Variants in GRSF1 observed in about 807,000 individuals in gnomAD.
The protein encoded by GRSF1 is G-rich sequence factor 1.
In GRSF1, 50 loss-of-function variants were observed where a neutral mutation model predicts 51.1. That is an observed-to-expected ratio of 0.98 (90% CI 0.78 to 1.24). The LOEUF (loss-of-function observed/expected upper bound fraction) is 1.24. Among genes scored for constraint, GRSF1 ranks in the 50% most tolerant of loss-of-function variants. GRSF1 has a pLI of 0.00. For missense variants in GRSF1, 700 were observed against 639.7 expected, an observed-to-expected ratio of 1.09 and a Z score of -1.02; for synonymous variants, 293 against 253.3, an observed-to-expected ratio of 1.16 and a Z score of -1.49.
intron 9 of GRSF1, among the ~76,000 whole-genome samples, 192 bp from the exon 10 acceptor site, chr4:70,821,053 T>C (rs1253376694): frequency 6.6e-6 from 1 of 152,010 alleles, no homozygotes; most frequent in Non-Finnish European, 1.5e-5. Context: ...AAAAACTGAG[T>C]TTCAGAATAT....
chr4:70,818,563 T>C lies in GRSF1; in HGVS notation c.*2324A>G, dbSNP rs999516084. ...AGTTACCCACGCATAAAGGGACACATACTCTATTTCTGCTTCATTGCCTGG... is the reference window on the plus strand; with the variant it reads ...AGTTACCCACGCATAAAGGGACACACACTCTATTTCTGCTTCATTGCCTGG... On this transcript the variant is annotated 3_prime_UTR_variant, in exon 10 of 10. Transcript: ENST00000254799. 1.3e-5 allele frequency: 2 copies of C among 152,190 alleles called. No individual in the cohort carries two copies. Among genetic ancestry groups the C allele is most frequent in the African/African-American group, 4.8e-5 (2 of 41,446 alleles). The allele number at this position is 152,190 out of a possible 1,614,324, so 9.4% of individuals were successfully genotyped here.
chr4:70,822,599 A>C (rs1398685032), intron 9 of GRSF1, among the ~76,000 whole-genome samples: 2 of 7,334 alleles, frequency 2.7e-4, no homozygotes, highest in African/African-American at 3.5e-4. Flanking sequence ...AAAAAAAAAA[A>C]AAAAAACAAA....
At chr4:70,831,280 G>A (rs575114592) in intron 5 of GRSF1, among the ~76,000 whole-genome samples, 5 of 152,120 alleles carry the variant, frequency 3.3e-5, no homozygotes, top group African/African-American at 9.6e-5. Flanking sequence ...GCTTAAACCA[G>A]GGAGGCAGAG....
intron 9 of GRSF1, among the ~76,000 whole-genome samples, chr4:70,823,735 T>C (rs533417495): frequency 1.4e-4 from 21 of 152,012 alleles, no homozygotes; most frequent in African/African-American, 5.1e-4. Flanking sequence ...GTAGGCATGG[T>C]AGTACACACC....
intron 2 of GRSF1, among the ~76,000 whole-genome samples, chr4:70,834,813 T>C (rs946800057): frequency 6.6e-6 from 1 of 152,116 alleles, no homozygotes; most frequent in South Asian, 2.1e-4. Context: ...TTAGGAGAGA[T>C]GGGGTTTCAA....
At chr4:70,822,600 A>C (rs1733565862) in intron 9 of GRSF1, among the ~76,000 whole-genome samples, 1 of 7,382 alleles carries the variant, frequency 1.4e-4, no homozygotes, top group African/African-American at 1.7e-4. Flanking sequence ...AAAAAAAAAA[A>C]AAAAACAAAA....
At position 70,826,196 on chromosome 4, in the gene GRSF1, T is replaced by G. The variant is rs770731815; in HGVS notation, c.1185A>C (p.Gly395=). 2 of 1,611,166 alleles carry G rather than the reference T, an allele frequency of 1.2e-6. No individual in the cohort carries two copies. The highest frequency in any genetic ancestry group is 3.4e-5 in the Admixed American group (2 of 59,388). Residue 395 remains glycine, a synonymous_variant, in exon 7 of 10, where the codon GGA becomes GGC. Coordinates refer to ENST00000254799, the MANE Select transcript of GRSF1 (RefSeq NM_002092.4). Reference sequence around the variant, plus strand: ...GGACAAAATGCAGAGAAGACGTAGTTCCAAAATCAGCAGCCTCTGGAAGCT... The same window carrying G: ...GGACAAAATGCAGAGAAGACGTAGTGCCAAAATCAGCAGCCTCTGGAAGCT... ...PEKLPEAADF[G]TTSSLHFVHM... is the part of the protein sequence containing the mutation.
chr4:70,823,265 T>C (rs1733594769), intron 9 of GRSF1, among the ~76,000 whole-genome samples: 1 of 151,268 alleles, frequency 6.6e-6, no homozygotes, highest in South Asian at 2.1e-4. Context: ...GGCGTGGTGG[T>C]GCATGCCTGT....
intron 5 of GRSF1, among the ~76,000 whole-genome samples, chr4:70,829,626 G>A (rs899330442): frequency 3.3e-5 from 5 of 152,052 alleles, no homozygotes; most frequent in South Asian, 2.1e-4. Flanking sequence ...GCACTCCAGC[G>A]AGGGTAACAG....
At chr4:70,835,609 AT>A (rs1451081786) in intron 2 of GRSF1, among the ~76,000 whole-genome samples, 14 of 151,198 alleles carry the variant, frequency 9.3e-5, no homozygotes, top group Admixed American at 8.6e-4. Context: ...AGCCTGGGTA[AT>A]TTTTGTATTT....
intron 5 of GRSF1, among the ~76,000 whole-genome samples, chr4:70,830,479 G>T (rs1733918393): frequency 1.3e-5 from 2 of 150,428 alleles, no homozygotes; most frequent in Non-Finnish European, 3.0e-5. Flanking sequence ...CACACACAGA[G>T]AATTATGGAC....
chr4:70,834,859 G>A lies in GRSF1; in HGVS notation c.514+1299C>T, dbSNP rs539477604. 3.1e-3 allele frequency among the ~76,000 whole-genome samples: 464 copies of A among 152,002 alleles called. 2 individuals are homozygous for A. The highest frequency in any genetic ancestry group is 0.01 in the Middle Eastern group (3 of 294). On this transcript the variant is annotated intron_variant, in intron 2 of 9. Coordinates refer to ENST00000254799, the MANE Select transcript of GRSF1 (RefSeq NM_002092.4). ...AGGATGGTCTCGATCTCCTGACCTC[G>A]TGATCCGCCCGCCTCGGCCTCCCAA...
At chr4:70,836,047 G>A in intron 2 of GRSF1, 111 bp downstream of exon 2, 1 of 574,458 alleles carries the variant, frequency 1.7e-6, no homozygotes, top group South Asian at 3.5e-5. Context: ...ACATGGATTT[G>A]TAGCACTACC....
intron 2 of GRSF1, among the ~76,000 whole-genome samples, chr4:70,834,749 G>A (rs1734123491): frequency 6.6e-6 from 1 of 152,116 alleles, no homozygotes; most frequent in African/African-American, 2.4e-5. Flanking sequence ...AGCCTCCCAG[G>A]TAGCTGGGAC....
chr4:70,829,737 C>T (rs1411885312), intron 5 of GRSF1, among the ~76,000 whole-genome samples: 3 of 152,116 alleles, frequency 2.0e-5, no homozygotes, highest in Non-Finnish European at 2.9e-5. Flanking sequence ...CCCAGAAGGT[C>T]AAGGCTGAAA....
rs1471829381 is a variant in GRSF1, at chr4:70,827,952, AG to A, written c.1034del (p.Pro345LeufsTer6). On this transcript the variant is annotated frameshift_variant, in exon 6 of 10. Coordinates refer to ENST00000254799, the MANE Select transcript of GRSF1 (RefSeq NM_002092.4). LOFTEE classifies it high-confidence loss of function. ...CTGGCTCAGTTATATACTTAGCAGT[AG>A]GAAAAGATGCGATTTTCTTTCCCTT... Reference protein sequence around the residue: ...SYKGKKIASFPTAKYITEPEM... With the variant: ...SYKGKKIASFXTAKYITEPEM... The A allele has an allele frequency of 6.2e-7, 1 of 1,612,614 alleles. No homozygotes were observed.
At chr4:70,827,507 G>A (rs568441895) in intron 6 of GRSF1, among the ~76,000 whole-genome samples, 5 of 152,250 alleles carry the variant, frequency 3.3e-5, no homozygotes, top group South Asian at 2.1e-4. Context: ...TCTTTAGGCC[G>A]GGTGTGTTGG....
chr4:70,818,982 C>T lies in GRSF1; in HGVS notation c.*1905G>A, dbSNP rs1250444879. On this transcript the variant is annotated 3_prime_UTR_variant, in exon 10 of 10. Coordinates refer to ENST00000254799, the MANE Select transcript of GRSF1 (RefSeq NM_002092.4). ...CTACATCCACCTTAGCAATCACTTA[C>T]GTACTAGCCTAGATCATGAACAAAA... The T allele has an allele frequency of 3.9e-5, 6 of 152,098 alleles. No individual in the cohort carries two copies. The highest frequency in any genetic ancestry group is 1.4e-4 in the African/African-American group (6 of 41,412). The allele number at this position is 152,098 out of a possible 1,614,324, so 9.4% of individuals were successfully genotyped here.
chr4:70,840,671 G>T (rs1421702581), upstream of GRSF1, among the ~76,000 whole-genome samples: 1 of 152,160 alleles, frequency 6.6e-6, no homozygotes, highest in Non-Finnish European at 1.5e-5. Flanking sequence ...GCTGAGGCAG[G>T]AGAATCGCTT....
Sources: allele counts gnomAD v4.1 joint callset (sites outside exome capture counted in the v4.1 genomes callset), GRCh38; gene constraint gnomAD v4.1.1; transcripts MANE v1.5; gene names NCBI Gene and HGNC (gene_info 2026-07-23, HGNC 2026-07-21).